Variants in FKBP3 observed in about 807,000 individuals in gnomAD.
The protein encoded by FKBP3 is FKBP prolyl isomerase 3.
A neutral mutation model predicts 30.6 loss-of-function variants in FKBP3; 21 were observed. That is an observed-to-expected ratio of 0.69 (90% CI 0.49 to 0.99). The LOEUF is 0.99. Ranked by LOEUF, FKBP3 falls within the 50% of genes least tolerant of loss-of-function variation. The probability of loss-of-function intolerance (pLI) is 0.00; values close to 1 mark genes in which losing one functional copy is unlikely to be tolerated. For missense variants in FKBP3, 283 were observed against 261.6 expected (o/e 1.08, Z -0.56); for synonymous variants, 82 against 91.3 (o/e 0.90, Z 0.58).
At position 45,119,889 on chromosome 14, in the gene FKBP3, T is replaced by C. The variant is rs931956224; in HGVS notation, c.522+998A>G. Among the ~76,000 whole-genome samples, 14 of 152,068 alleles carry C rather than the reference T, an allele frequency of 9.2e-5. 1 individual carries two copies. Among genetic ancestry groups the C allele is most frequent in the Admixed American group, 6.5e-4 (10 of 15,272 alleles). Reference sequence around the variant, plus strand: ...TTTTTAGTAGAGACGGGTTTCACAGTGTTAGCCAGTATGGTCTCGATCTCC... The same window carrying C: ...TTTTTAGTAGAGACGGGTTTCACAGCGTTAGCCAGTATGGTCTCGATCTCC... On this transcript the variant is annotated intron_variant, in intron 5 of 6. Transcript: ENST00000396062.
chr14:45,122,696 G>A (rs1447543170), intron 3 of FKBP3, among the ~76,000 whole-genome samples: 3 of 151,692 alleles, frequency 2.0e-5, no homozygotes, highest in Non-Finnish European at 2.9e-5. Flanking sequence ...GTAGAGACAC[G>A]GTTTCACCAT....
intron 5 of FKBP3, 107 bp from the exon 6 acceptor site, chr14:45,118,232 A>G: frequency 1.6e-6 from 1 of 643,022 alleles, no homozygotes. Context: ...AGAATCTATT[A>G]CTATAGATTT....
At chr14:45,117,898 G>C (rs1884888158) in intron 6 of FKBP3, 130 bp downstream of exon 6, 1 of 678,754 alleles carries the variant, frequency 1.5e-6, no homozygotes, top group African/African-American at 1.9e-5. Context: ...AGCATCTAAA[G>C]ATCAGGAAGA....
In FKBP3 at chr14:45,130,714, A is replaced by G. The variant is rs763160016; in HGVS notation, c.195T>C (p.His65=). Residue 65 remains histidine, a synonymous_variant, in exon 2 of 7, where the codon CAT becomes CAC. Coordinates refer to ENST00000396062, the MANE Select transcript of FKBP3 (RefSeq NM_002013.4). The stretch of plus-strand genomic sequence containing the variant: ...CAATACTCACCTTAGTTTCAAAAAG[A>G]TGGTTATAGGCTGTAACCAAGTGGT... ...NKDHLVTAYN[H]LFETKRFKGT... 2 of 1,586,682 alleles carry G rather than the reference A, an allele frequency of 1.3e-6. No homozygotes were observed. Among genetic ancestry groups the G allele is most frequent in the South Asian group, 2.3e-5 (2 of 86,540 alleles).
chr14:45,120,154 TG>T (rs1353293147), intron 5 of FKBP3, among the ~76,000 whole-genome samples: 2 of 152,212 alleles, frequency 1.3e-5, no homozygotes, highest in Admixed American at 1.3e-4. Context: ...TTTCAGTTAT[TG>T]ATGTCTGATG....
Position 45,130,764 on chromosome 14 carries a change from T to A in FKBP3, c.145A>T (p.Asn49Tyr). The change falls in exon 2 of 7, where the codon AAT (asparagine) becomes TAT (tyrosine). Residue 49 changes from asparagine to tyrosine, a missense_variant. Transcript: ENST00000396062. Reference protein sequence around the residue: ...AEHKLLGNIKNVAKTANKDHL... With the variant: ...AEHKLLGNIKYVAKTANKDHL... ...TCCTTGTTAGCTGTCTTGGCCACAT[T>A]TTTAATGTTTCCTAATAATTTATGT... is the stretch of plus-strand genomic sequence containing the variant. 3 of 1,610,884 alleles carry A rather than the reference T, an allele frequency of 1.9e-6. No homozygotes were observed. The highest frequency in any genetic ancestry group is 1.7e-6 in the Non-Finnish European group (2 of 1,178,764).
chr14:45,122,029 T>C (rs918853716), intron 3 of FKBP3, among the ~76,000 whole-genome samples: 11 of 152,222 alleles, frequency 7.2e-5, no homozygotes, highest in African/African-American at 2.4e-4. Context: ...ATAATTGATA[T>C]TACTAGGTGT....
intron 1 of FKBP3, 130 bp downstream of exon 1, chr14:45,134,219 G>C: frequency 1.3e-6 from 1 of 766,038 alleles, no homozygotes; most frequent in South Asian, 1.7e-5. Flanking sequence ...GGGCCTCTCC[G>C]GCCTTCCAGG....
At chr14:45,132,011 T>G (rs1885228087) in intron 1 of FKBP3, among the ~76,000 whole-genome samples, 1 of 152,218 alleles carries the variant, frequency 6.6e-6, no homozygotes, top group Non-Finnish European at 1.5e-5. Flanking sequence ...ACTTCTTTGT[T>G]TCCTTATTTT....
At chr14:45,125,694 A>G (rs1885080472) in intron 3 of FKBP3, among the ~76,000 whole-genome samples, 1 of 152,176 alleles carries the variant, frequency 6.6e-6, no homozygotes, top group East Asian at 1.9e-4. Context: ...GTGCTTAGGA[A>G]TGTATGCAGT....
At chr14:45,116,503 G>T (rs115778239) in intron 6 of FKBP3, among the ~76,000 whole-genome samples, 4,691 of 151,700 alleles carry the variant, frequency 0.031, 134 homozygotes, top group African/African-American at 0.08. Flanking sequence ...TATACATATA[G>T]AGAGAGAGTA....
chr14:45,118,687 A>G (rs1016140859), intron 5 of FKBP3, among the ~76,000 whole-genome samples: 1 of 152,118 alleles, frequency 6.6e-6, no homozygotes, highest in African/African-American at 2.4e-5. Flanking sequence ...CATGCCATAC[A>G]TTATGAAAAC....
chr14:45,117,998 A>G (rs768796465), intron 6 of FKBP3, 30 bp downstream of exon 6: 3 of 1,481,320 alleles, frequency 2.0e-6, no homozygotes, highest in Non-Finnish European at 2.8e-6. Flanking sequence ...TTTTTTTTCA[A>G]CTTTAATTAT....
intron 1 of FKBP3, chr14:45,133,399 G>A (rs1309346931): frequency 2.9e-5 from 7 of 241,216 alleles, no homozygotes; most frequent in Admixed American, 9.2e-5. Context: ...CCCGGGAGGC[G>A]GAGGTTGCAG....
At position 45,134,429 on chromosome 14, in the gene FKBP3, A is replaced by C. The variant is rs1446089719; in HGVS notation, c.28T>G (p.Trp10Gly). 5.0e-6 allele frequency: 8 copies of C among 1,607,944 alleles called. No homozygotes were observed. Among genetic ancestry groups the C allele is most frequent in the Non-Finnish European group, 6.8e-6 (8 of 1,177,116 alleles). The change falls in exon 1 of 7, where the codon TGG (tryptophan) becomes GGG (glycine). Residue 10 changes from tryptophan to glycine, a missense_variant. Physicochemically the swap from Trp to Gly is radical, Grantham distance 184. Coordinates refer to ENST00000396062, the MANE Select transcript of FKBP3 (RefSeq NM_002013.4). ...TCACTGCGCAGCTGCTCCACGGTCC[A>C]CGCCCGCTGTGGAACGGCCGCCGCC... MAAAVPQRA[W>G]TVEQLRSEQL...
At chr14:45,132,831 A>G (rs1171921057) in intron 1 of FKBP3, among the ~76,000 whole-genome samples, 1 of 152,222 alleles carries the variant, frequency 6.6e-6, no homozygotes, top group Admixed American at 6.5e-5. Context: ...ATACGATTCC[A>G]CATGGCATGA....
At chr14:45,120,253 CCTA>C (rs1350258209) in intron 5 of FKBP3, among the ~76,000 whole-genome samples, 15 of 152,250 alleles carry the variant, frequency 9.9e-5, no homozygotes, top group African/African-American at 3.6e-4. Flanking sequence ...GACAGTCTGC[CCTA>C]CTCTTTTATC....
At position 45,120,954 on chromosome 14, in the gene FKBP3, C is replaced by T; in HGVS notation, c.455G>A (p.Ser152Asn). The change falls in exon 5 of 7, where the codon AGT becomes AAT. Residue 152 changes from serine to asparagine, a missense_variant and splice_region_variant. Physicochemically the swap from Ser to Asn is conservative, Grantham distance 46. Coordinates refer to ENST00000396062, the MANE Select transcript of FKBP3 (RefSeq NM_002013.4). ...GTVFDTNIQTSAKKKKNAKPL... is the reference protein window; with the variant it reads ...GTVFDTNIQTNAKKKKNAKPL... ...CTTGGCATTTTTCTTCTTCTTTGCA[C>T]CTGTAAAACAGATTTTCCTTATCAT... 1.9e-6 allele frequency: 3 copies of T among 1,611,772 alleles called. No individual in the cohort carries two copies. Among genetic ancestry groups the T allele is most frequent in the Non-Finnish European group, 2.5e-6 (3 of 1,178,760 alleles).
In FKBP3 at chr14:45,134,369, G is replaced by A; in HGVS notation, c.88C>T (p.Gln30Ter). The A allele has an allele frequency of 1.9e-6, 3 of 1,613,704 alleles. No individual in the cohort carries two copies. The highest frequency in any genetic ancestry group is 1.7e-6 in the Non-Finnish European group (2 of 1,179,760). The change falls in exon 1 of 7, where the codon CAG (glutamine) becomes TAG (stop). Residue 30 changes from glutamine to a stop codon, truncating the protein, a stop_gained. Transcript: ENST00000396062. LOFTEE classifies it high-confidence loss of function. Reference sequence around the variant, plus strand: ...GGTACCGAATCTGAACCGTGTTCCTGCAGAAACTTGATAATGTCCTTCTTG... The same window carrying A: ...GGTACCGAATCTGAACCGTGTTCCTACAGAAACTTGATAATGTCCTTCTTG... ...LPKKDIIKFL[Q>*]EHGSDSFLAE...
Sources: allele counts gnomAD v4.1 joint callset (sites outside exome capture counted in the v4.1 genomes callset), GRCh38; gene constraint gnomAD v4.1.1; transcripts MANE v1.5; gene names NCBI Gene and HGNC (gene_info 2026-07-23, HGNC 2026-07-21).